NDUFAF6: variants seen among roughly 807,000 people sequenced by gnomAD.
NDUFAF6 encodes NADH dehydrogenase (ubiquinone) complex I, assembly factor 6.
In NDUFAF6, 45 loss-of-function variants were observed where a neutral mutation model predicts 40.8. The observed-to-expected ratio is 1.10, with a 90% CI of 0.87 to 1.42. NDUFAF6 has a LOEUF of 1.42. Among genes scored for constraint, NDUFAF6 ranks in the 40% most tolerant of loss-of-function variants. The probability of loss-of-function intolerance (pLI) is 0.00; values close to 1 mark genes in which losing one functional copy is unlikely to be tolerated. For synonymous variants in NDUFAF6, 185 were observed against 155.9 expected, an observed-to-expected ratio of 1.19 and a Z score of -1.39; for missense variants, 435 against 418.5, an observed-to-expected ratio of 1.04 and a Z score of -0.34.
rs939041691 is a variant in NDUFAF6 at position 95,048,359 on chromosome 8, A to G, written c.715-98A>G. 3 of 833,990 alleles carry G rather than the reference A, an allele frequency of 3.6e-6. No individual in the cohort carries two copies. The African/African-American group carries it at 5.1e-5, about 14-fold the overall frequency. 51.7% of individuals were successfully genotyped at this position (833,990 alleles called of 1,614,324 possible). A position where few individuals can be genotyped will look rare whatever the true frequency, so the allele number is the denominator to read the frequency against. ...GTTCTGTCACGTGTTCTCTTGTGCTAAGTTAGTTTTAATTGTTAGTTTAAT... is the reference window on the plus strand; with the variant it reads ...GTTCTGTCACGTGTTCTCTTGTGCTGAGTTAGTTTTAATTGTTAGTTTAAT... On this transcript the variant is annotated intron_variant, in intron 6 of 8. Transcript: ENST00000396124.
At chr8:94,984,773 G>T (rs1450921950) in intron 2 of NDUFAF6, among the ~76,000 whole-genome samples, 2 of 152,224 alleles carry the variant, frequency 1.3e-5, no homozygotes, top group Admixed American at 1.3e-4. Flanking sequence ...ACACGGATGG[G>T]AGAGAAGAAG....
intron 4 of NDUFAF6, among the ~76,000 whole-genome samples, chr8:95,043,708 TAAAAAAG>T (rs975714017): frequency 6.6e-6 from 1 of 151,996 alleles, no homozygotes; most frequent in African/African-American, 2.4e-5. Flanking sequence ...ATGGCTGTGA[TAAAAAAG>T]AAAAAAGATG....
chr8:94,979,226 G>T (rs1825213087), intron 1 of NDUFAF6, among the ~76,000 whole-genome samples: 1 of 151,938 alleles, frequency 6.6e-6, no homozygotes, highest in Admixed American at 6.6e-5. Context: ...TCTTTTTGAT[G>T]GTGTGGGCCA....
At position 95,102,761 on chromosome 8, in the gene NDUFAF6, T is replaced by G. The variant is rs1452580165; in HGVS notation, n.231-215T>G. On this transcript the variant is annotated intron_variant and non_coding_transcript_variant, in intron 2 of 2. Transcript: ENST00000521063. Reference sequence around the variant, plus strand: ...ACTGGAGAAGCAGCCATGCTCCCAGTGAACACACTGGAACCAGGAAGCAAA... The same window carrying G: ...ACTGGAGAAGCAGCCATGCTCCCAGGGAACACACTGGAACCAGGAAGCAAA... Among the ~76,000 whole-genome samples the G allele has an allele frequency of 3.9e-5, 6 of 152,268 alleles. No homozygotes were observed. The East Asian group carries it at 1.2e-3, about 29-fold the overall frequency.
At chr8:95,023,421 T>A (rs1827780738), upstream of NDUFAF6, 1 of 152,222 alleles carries the variant, frequency 6.6e-6, no homozygotes, top group Admixed American at 6.5e-5. Flanking sequence ...AACATTAACT[T>A]GGAGTCACAA....
chr8:94,946,711 A>AAAG (rs1822043568), intron 2 of NDUFAF6, among the ~76,000 whole-genome samples: 1 of 148,196 alleles, frequency 6.7e-6, no homozygotes, highest in Non-Finnish European at 1.5e-5. Flanking sequence ...AAAAAAAAAA[A>AAAG]AAAAAAAAAG....
intron 1 of NDUFAF6, among the ~76,000 whole-genome samples, chr8:95,031,013 A>T: frequency 6.6e-6 from 1 of 152,214 alleles, no homozygotes; most frequent in South Asian, 2.1e-4. Context: ...ACTTATCCCC[A>T]AGGGGATGGC....
intron 2 of NDUFAF6, among the ~76,000 whole-genome samples, chr8:95,011,752 C>T (rs992282482): frequency 2.0e-5 from 3 of 152,122 alleles, no homozygotes; most frequent in Admixed American, 6.6e-5. Context: ...ATTCAGACAC[C>T]ACCCCTTGCC....
downstream of NDUFAF6, among the ~76,000 whole-genome samples, chr8:95,105,064 CACAGAG>C (rs1366149508): frequency 4.9e-4 from 52 of 105,798 alleles, no homozygotes; most frequent in African/African-American, 1.5e-3. Context: ...CACACACACA[CACAGAG>C]AGAGAGAGAG....
chr8:95,098,445 A>C (rs1241162672), upstream of NDUFAF6, among the ~76,000 whole-genome samples: 11 of 152,126 alleles, frequency 7.2e-5, no homozygotes, highest in Non-Finnish European at 1.0e-4. Context: ...AGGCGGGCAG[A>C]TCACAAGGTC....
At position 94,924,210 on chromosome 8, in the gene NDUFAF6, C is replaced by T. The variant is rs150880723; in HGVS notation, c.-935-21273C>T. ...TGAGTAGCTGGGATTAACAGGGGCA[C>T]GCCACCACGCCCGTCTAATTTTTGT... is the stretch of plus-strand genomic sequence containing the variant. On this transcript the variant is annotated intron_variant, in intron 1 of 14. Coordinates refer to the NDUFAF6 transcript ENST00000396113. Among the ~76,000 whole-genome samples the T allele has an allele frequency of 9.9e-3, 1,505 of 152,114 alleles. 34 individuals are homozygous for T. Among genetic ancestry groups the T allele is most frequent in the African/African-American group, 0.034 (1,422 of 41,494 alleles).
chr8:95,051,965 T>A lies in NDUFAF6; in HGVS notation c.817-209T>A, dbSNP rs145442053. Among the ~76,000 whole-genome samples, 506 of 152,304 alleles carry A rather than the reference T, an allele frequency of 3.3e-3. 1 individual carries two copies. Among genetic ancestry groups the A allele is most frequent in the Non-Finnish European group, 4.9e-3 (335 of 68,018 alleles). On this transcript the variant is annotated intron_variant, in intron 7 of 8. Transcript: ENST00000396124. ...TCGCTGGAAAATGCTAAAGCCAATC[T>A]GTAAGAAAGGATGGAATTTTTACTA...
intron 2 of NDUFAF6, among the ~76,000 whole-genome samples, chr8:94,998,067 A>C (rs540650101): frequency 4.5e-4 from 69 of 152,314 alleles, no homozygotes; most frequent in African/African-American, 1.6e-3. Flanking sequence ...TCGGAGAAAG[A>C]CTAGATTTAC....
At chr8:94,914,376 A>G (rs1283476531) in intron 1 of NDUFAF6, among the ~76,000 whole-genome samples, 1 of 152,110 alleles carries the variant, frequency 6.6e-6, no homozygotes, top group Non-Finnish European at 1.5e-5. Context: ...GCCAGAAAGT[A>G]CTTACCTGGT....
In NDUFAF6 at chr8:95,058,543, G is replaced by A; in HGVS notation, c.*606G>A. 1 of 1,221,470 alleles carries A rather than the reference G, an allele frequency of 8.2e-7. No homozygotes were observed. Among genetic ancestry groups the A allele is most frequent in the Non-Finnish European group, 1.0e-6 (1 of 982,194 alleles). 75.7% of individuals were successfully genotyped at this position (1,221,470 alleles called of 1,614,324 possible). A position where few individuals can be genotyped will look rare whatever the true frequency, so the allele number is the denominator to read the frequency against. On this transcript the variant is annotated 3_prime_UTR_variant, in exon 9 of 9. Coordinates refer to ENST00000396124, the MANE Select transcript of NDUFAF6 (RefSeq NM_152416.4). ...GCTGGCAAGAGCAGAGCCTTAATTTGACTTTAGCTCTGGCTGGTCTGGAAG... is the reference window on the plus strand; with the variant it reads ...GCTGGCAAGAGCAGAGCCTTAATTTAACTTTAGCTCTGGCTGGTCTGGAAG...
chr8:94,948,565 T>TC (rs1306881750), intron 2 of NDUFAF6, among the ~76,000 whole-genome samples: 1 of 152,008 alleles, frequency 6.6e-6, no homozygotes, highest in Non-Finnish European at 1.5e-5. Flanking sequence ...CGGAGCAGGT[T>TC]CCCCATAGCC....
intron 3 of NDUFAF6, among the ~76,000 whole-genome samples, chr8:95,039,269 A>G (rs917057327): frequency 6.6e-6 from 1 of 151,758 alleles, no homozygotes; most frequent in Non-Finnish European, 1.5e-5. Context: ...CCAAGCCAAC[A>G]TGGTGAAACC....
chr8:95,022,482 CTCAAA>C (rs1342830434), upstream of NDUFAF6, among the ~76,000 whole-genome samples: 1 of 150,422 alleles, frequency 6.6e-6, no homozygotes, highest in Non-Finnish European at 1.5e-5. Context: ...AAGGAAGCAT[CTCAAA>C]TCAAAGGAGG....
chr8:95,053,148 G>A (rs1279180837), intron 8 of NDUFAF6, among the ~76,000 whole-genome samples: 1 of 152,152 alleles, frequency 6.6e-6, no homozygotes, highest in Non-Finnish European at 1.5e-5. Context: ...GTTCAGGTCT[G>A]TATGTGAGAA....
Sources: allele counts gnomAD v4.1 joint callset (sites outside exome capture counted in the v4.1 genomes callset), GRCh38; gene constraint gnomAD v4.1.1; transcripts MANE v1.5; gene names NCBI Gene and HGNC (gene_info 2026-07-23, HGNC 2026-07-21).